Variants in VPS54 observed in about 807,000 individuals in gnomAD.
The protein encoded by VPS54 is VPS54 subunit of GARP complex, also known as vacuolar protein sorting-associated protein 54.
Under a neutral mutation model 121.5 loss-of-function variants are expected in VPS54, and 45 were observed. The ratio of observed to expected loss-of-function variants is 0.37; its 90% CI spans 0.29 to 0.47. The LOEUF (loss-of-function observed/expected upper bound fraction) is 0.47. Ranked by LOEUF, VPS54 falls within the 20% of genes least tolerant of loss-of-function variation. The probability of loss-of-function intolerance (pLI) is 0.99; values close to 1 mark genes in which losing one functional copy is unlikely to be tolerated. For missense variants in VPS54, 1,090 were observed against 1,131.4 expected, an observed-to-expected ratio of 0.96 and a Z score of 0.52; for synonymous variants, 371 against 385.8, an observed-to-expected ratio of 0.96 and a Z score of 0.45.
At chr2:63,932,205 A>T (rs1674242929) in intron 12 of VPS54, among the ~76,000 whole-genome samples, 1 of 152,320 alleles carries the variant, frequency 6.6e-6, no homozygotes, top group Admixed American at 6.5e-5. Flanking sequence ...ACACATGCAC[A>T]CGTATGTTTA....
At chr2:63,912,255 T>C in intron 20 of VPS54, 90 bp downstream of exon 20, 1 of 1,167,236 alleles carries the variant, frequency 8.6e-7, no homozygotes, top group Non-Finnish European at 1.2e-6. Context: ...TTAGATTATC[T>C]TTTCACATCT....
chr2:63,944,362 AG>A (rs1265397598), intron 10 of VPS54, among the ~76,000 whole-genome samples: 4 of 152,108 alleles, frequency 2.6e-5, no homozygotes, highest in African/African-American at 9.7e-5. Flanking sequence ...GTCTCTCTCA[AG>A]GGTTGCCTCA....
At position 63,962,183 on chromosome 2, in the gene VPS54, A is replaced by C; in HGVS notation, c.885T>G (p.Thr295=). The change falls in exon 7 of 23, where the codon ACT becomes ACG. Residue 295 remains threonine, a synonymous_variant. Transcript: ENST00000272322. ...GTACTGTAGGCTGAGTCTGGTGTAC[A>C]GTGGCCATTAACTTCAGCTTATTGT... is the stretch of plus-strand genomic sequence containing the variant. ...KVYNKLKLMA[T]VHQTQPTVQV... 6.2e-7 allele frequency: 1 copy of C among 1,614,044 alleles called. No individual in the cohort carries two copies. The highest frequency in any genetic ancestry group is 1.3e-5 in the African/African-American group (1 of 75,060).
intron 1 of VPS54, among the ~76,000 whole-genome samples, chr2:64,012,466 A>AG (rs1466011500): frequency 3.3e-5 from 5 of 151,590 alleles, no homozygotes; most frequent in Non-Finnish European, 5.9e-5. Flanking sequence ...AAAAAAAAAA[A>AG]AAAAAAAAAA....
At chr2:64,000,860 C>T (rs1336329380) in intron 1 of VPS54, among the ~76,000 whole-genome samples, 1 of 152,160 alleles carries the variant, frequency 6.6e-6, no homozygotes, top group Non-Finnish European at 1.5e-5. Context: ...ACCCAAGGCC[C>T]ACCGTAACCA....
chr2:63,998,280 T>G (rs1299255416), intron 1 of VPS54, among the ~76,000 whole-genome samples: 6 of 152,178 alleles, frequency 3.9e-5, no homozygotes, highest in African/African-American at 1.2e-4. Flanking sequence ...TCCATCCCTT[T>G]TTTTGTCTGT....
At chr2:63,928,842 A>T (rs1363543278) in intron 12 of VPS54, among the ~76,000 whole-genome samples, 2 of 151,664 alleles carry the variant, frequency 1.3e-5, no homozygotes, top group East Asian at 3.9e-4. Flanking sequence ...AAAGCAAAAA[A>T]AAAAAAAAAA....
At chr2:63,949,689 G>C (rs1675150029) in intron 7 of VPS54, among the ~76,000 whole-genome samples, 1 of 152,094 alleles carries the variant, frequency 6.6e-6, no homozygotes, top group Admixed American at 6.6e-5. Flanking sequence ...AGGAGAGGTT[G>C]GTCTTGCTAT....
chr2:63,947,343 G>T, intron 9 of VPS54, 40 bp downstream of exon 9: 10 of 1,478,660 alleles, frequency 6.8e-6, no homozygotes, highest in Non-Finnish European at 9.1e-6. Context: ...CTTCACAAAG[G>T]TTCCAGACCA....
intron 13 of VPS54, 62 bp downstream of exon 13, chr2:63,921,144 A>G: frequency 6.6e-7 from 1 of 1,515,480 alleles, no homozygotes; most frequent in Non-Finnish European, 8.9e-7. Flanking sequence ...AAGCAAAGAC[A>G]TAATTCCAGA....
At chr2:63,939,370 C>CA (rs112319443) in intron 11 of VPS54, among the ~76,000 whole-genome samples, 6,317 of 147,234 alleles carry the variant, frequency 0.043, 437 homozygotes, top group African/African-American at 0.15. Context: ...AACTCTACCT[C>CA]AAAAAAAAAC....
At chr2:63,967,722 A>AAAAAAAAAAAAAAG in intron 5 of VPS54, among the ~76,000 whole-genome samples, 1 of 148,928 alleles carries the variant, frequency 6.7e-6, no homozygotes, top group Non-Finnish European at 1.5e-5. Context: ...CTGCCTCAAA[A>AAAAAAAAAAAAAAG]AAAAAAAAAA....
chr2:63,962,270 C>T lies in VPS54; in HGVS notation c.798G>A (p.Met266Ile), dbSNP rs777949053. 1.5e-5 allele frequency: 25 copies of T among 1,613,902 alleles called. No homozygotes were observed. The highest frequency in any genetic ancestry group is 2.1e-5 in the Non-Finnish European group (25 of 1,179,926). ...RDKIAQIDKV[M>I]CEGSLHILRL... ...TTAAAATGTGGAGTGATCCTTCACACATTACTTTATCAATCTGTGCAATTT... is the reference window on the plus strand; with the variant it reads ...TTAAAATGTGGAGTGATCCTTCACATATTACTTTATCAATCTGTGCAATTT... The change falls in exon 7 of 23, where the codon ATG (methionine) becomes ATA (isoleucine). Residue 266 changes from methionine to isoleucine, a missense_variant. Met to Ile is a conservative substitution (Grantham distance 10). Coordinates refer to ENST00000272322, the MANE Select transcript of VPS54 (RefSeq NM_016516.3).
intron 12 of VPS54, among the ~76,000 whole-genome samples, chr2:63,929,176 C>G (rs1431599249): frequency 6.6e-6 from 1 of 152,192 alleles, no homozygotes; most frequent in African/African-American, 2.4e-5. Context: ...TAATAGACAT[C>G]TGCAGAACTC....
At position 63,909,725 on chromosome 2, in the gene VPS54, G is replaced by GTTTTTGTTTTTTTTTTTTTTTTTTTT. The variant is rs747731456; in HGVS notation, c.2625+2619_2625+2620insAAAAAAAAAAAAAAAAAAAACAAAAA. ...AAGCGACCTCGCCTGGCCGTTTTTG[G>GTTTTTGTTTTTTTTTTTTTTTTTTTT]TTTTTTTTTTTTTTTTGAGACAGAG... On this transcript the variant is annotated intron_variant, in intron 20 of 22. Coordinates refer to ENST00000272322, the MANE Select transcript of VPS54 (RefSeq NM_016516.3). Among the ~76,000 whole-genome samples, 2 of 115,248 alleles carry GTTTTTGTTTTTTTTTTTTTTTTTTTT rather than the reference G, an allele frequency of 1.7e-5. 1 individual carries two copies. The allele number at this position is 115,248 out of a possible 152,430, so 75.6% of individuals were successfully genotyped here.
intron 20 of VPS54, among the ~76,000 whole-genome samples, chr2:63,907,532 A>G (rs1672956291): frequency 6.6e-6 from 1 of 151,418 alleles, no homozygotes; most frequent in South Asian, 2.1e-4. Flanking sequence ...AAAAAAAAAA[A>G]AAGAAAAGAA....
At chr2:63,962,020 T>C (rs1675791787) in intron 7 of VPS54, 38 bp downstream of exon 7, 1 of 1,482,734 alleles carries the variant, frequency 6.7e-7, no homozygotes, top group African/African-American at 1.4e-5. Context: ...TTTAAAAATT[T>C]CTAACATTAT....
chr2:63,967,854 C>T (rs990758429), intron 5 of VPS54, among the ~76,000 whole-genome samples: 3 of 150,530 alleles, frequency 2.0e-5, no homozygotes, highest in Non-Finnish European at 4.4e-5. Context: ...TTGGAAAGAA[C>T]AAGAAAGTAC....
intron 12 of VPS54, among the ~76,000 whole-genome samples, chr2:63,932,158 A>G (rs779689751): frequency 6.6e-6 from 1 of 152,260 alleles, no homozygotes; most frequent in African/African-American, 2.4e-5. Context: ...ATTACTGGGC[A>G]TATACCCAAA....
Sources: gnomAD v4.1 joint callset for allele counts (sites outside exome capture counted in the v4.1 genomes callset) on GRCh38, gnomAD v4.1.1 for gene constraint, MANE v1.5 for transcripts, NCBI Gene and HGNC (gene_info 2026-07-23, HGNC 2026-07-21) for gene names.